The following AMD1 variants were observed in gnomAD, a reference collection of about 807,000 sequenced individuals.
AMD1 encodes adenosylmethionine decarboxylase 1.
In AMD1, 11 loss-of-function variants were observed where a neutral mutation model predicts 40.2. That is an observed-to-expected ratio of 0.27 (90% CI 0.17 to 0.45). AMD1 has a LOEUF of 0.45. Among genes scored for constraint, AMD1 ranks in the 20% least tolerant of loss-of-function variants. The pLI is 1.00. For missense variants in AMD1, 257 were observed against 410.2 expected, an observed-to-expected ratio of 0.63 and a Z score of 3.23; for synonymous variants, 121 against 130.8, an observed-to-expected ratio of 0.93 and a Z score of 0.51.
the AMD1 span, among the ~76,000 whole-genome samples, chr6:110,862,544 G>A: frequency 6.7e-6 from 1 of 150,280 alleles, no homozygotes; most frequent in Non-Finnish European, 1.5e-5. Flanking sequence ...TGAGCTCACT[G>A]CAACCTCTAC....
chr6:110,871,231 C>T (rs1209457709), upstream of AMD1, among the ~76,000 whole-genome samples: 4 of 152,088 alleles, frequency 2.6e-5, no homozygotes, highest in Non-Finnish European at 5.9e-5. Context: ...CATAATTGGG[C>T]TTATTTTTTA....
At chr6:110,892,089 T>G (rs1397603920) in intron 4 of AMD1, 72 bp from the exon 5 acceptor site, 1 of 1,508,928 alleles carries the variant, frequency 6.6e-7, no homozygotes, top group Non-Finnish European at 9.2e-7. Flanking sequence ...CTGCTTATTG[T>G]GGAAGGGTAG....
chr6:110,887,356 CAATATA>C (rs757137087), intron 1 of AMD1, 143 bp from the exon 2 acceptor site: 7 of 526,832 alleles, frequency 1.3e-5, no homozygotes, highest in Admixed American at 7.6e-5. Context: ...CTGGGTGTGT[CAATATA>C]GATTATTTTG....
chr6:110,873,651 C>A (rs1410370267), upstream of AMD1, among the ~76,000 whole-genome samples: 1 of 152,056 alleles, frequency 6.6e-6, no homozygotes, highest in Non-Finnish European at 1.5e-5. Context: ...CTCCCATATT[C>A]CCAAGTAAAA....
the AMD1 span, among the ~76,000 whole-genome samples, chr6:110,854,521 T>C: frequency 6.6e-6 from 1 of 152,124 alleles, no homozygotes; most frequent in African/African-American, 2.4e-5. Flanking sequence ...CGATCTTGGC[T>C]CACTGCAACC....
At chr6:110,824,464 G>T in the AMD1 span, among the ~76,000 whole-genome samples, 2 of 152,056 alleles carry the variant, frequency 1.3e-5, no homozygotes, top group Admixed American at 1.3e-4. Flanking sequence ...ATGACATATT[G>T]GGTACAATGC....
chr6:110,881,185 T>C (rs551431657), intron 1 of AMD1, among the ~76,000 whole-genome samples: 5 of 152,206 alleles, frequency 3.3e-5, no homozygotes, highest in Non-Finnish European at 7.3e-5. Flanking sequence ...TAGTATCTAG[T>C]CTTTAAGTGA....
chr6:110,826,546 CCTT>C, the AMD1 span, among the ~76,000 whole-genome samples: 1 of 152,104 alleles, frequency 6.6e-6, no homozygotes, highest in Non-Finnish European at 1.5e-5. Flanking sequence ...AGGGGAGAAT[CCTT>C]CTGTGCAGAT....
At chr6:110,864,882 C>T in the AMD1 span, among the ~76,000 whole-genome samples, 2 of 152,242 alleles carry the variant, frequency 1.3e-5, no homozygotes, top group African/African-American at 4.8e-5. Flanking sequence ...TGGAATCCAG[C>T]ATACAGGCTG....
intron 1 of AMD1, among the ~76,000 whole-genome samples, chr6:110,882,321 A>G (rs546790047): frequency 1.1e-4 from 16 of 152,368 alleles, no homozygotes; most frequent in Middle Eastern, 6.8e-3. Flanking sequence ...AACAAGAGTC[A>G]GCAAACTTTC....
chr6:110,824,234 C>T, the AMD1 span, among the ~76,000 whole-genome samples: 4 of 152,160 alleles, frequency 2.6e-5, no homozygotes, highest in Non-Finnish European at 5.9e-5. Flanking sequence ...TGGAATACCA[C>T]TCATTCATAA....
chr6:110,886,359 C>G (rs1785685120), intron 1 of AMD1, among the ~76,000 whole-genome samples: 1 of 152,212 alleles, frequency 6.6e-6, no homozygotes, highest in African/African-American at 2.4e-5. Flanking sequence ...TCTCAAACTC[C>G]TGAGCTTAAG....
the AMD1 span, among the ~76,000 whole-genome samples, chr6:110,816,123 A>C: frequency 2.6e-5 from 4 of 152,228 alleles, no homozygotes; most frequent in African/African-American, 4.8e-5. Flanking sequence ...CCTTGGCCAG[A>C]GGAGAACATG....
chr6:110,814,675 TC>T, the AMD1 span: 1 of 528,354 alleles, frequency 1.9e-6, no homozygotes, highest in Non-Finnish European at 3.7e-6. Flanking sequence ...CCCGCTGCGT[TC>T]CCCCAAGAGA....
the AMD1 span, among the ~76,000 whole-genome samples, chr6:110,843,449 A>G: frequency 6.7e-6 from 1 of 149,244 alleles, no homozygotes; most frequent in Non-Finnish European, 1.5e-5. Flanking sequence ...GGGCGATAAG[A>G]GTGAAACTCC....
chr6:110,854,786 G>A, the AMD1 span, among the ~76,000 whole-genome samples: 9 of 152,054 alleles, frequency 5.9e-5, no homozygotes, highest in East Asian at 5.8e-4. Flanking sequence ...AAAAAAATTC[G>A]TTAATTGAGT....
At chr6:110,822,464 G>A in the AMD1 span, among the ~76,000 whole-genome samples, 2 of 152,022 alleles carry the variant, frequency 1.3e-5, no homozygotes, top group African/African-American at 4.8e-5. Flanking sequence ...AAGATTCACA[G>A]CCAAATTCTA....
chr6:110,886,398 C>T (rs1785687681), intron 1 of AMD1, among the ~76,000 whole-genome samples: 1 of 152,084 alleles, frequency 6.6e-6, no homozygotes, highest in Admixed American at 6.5e-5. Context: ...GCTAGGATTA[C>T]AGGCGATTCT....
rs754425919 is a variant in AMD1, at chr6:110,875,134, C to T, written c.29C>T (p.Thr10Ile). ...GAAGCTGCACATTTTTTCGAAGGGA[C>T]CGAGAAGCTGCTGGAGGTTTGGTTC... MEAAHFFEG[T>I]EKLLEVWFSR... Residue 10 changes from threonine to isoleucine, a missense_variant, in exon 1 of 9, where the codon ACC becomes ATC. Physicochemically the swap from Thr to Ile is moderately conservative, Grantham distance 89. Around this residue, in one of 3 missense-constraint regions of AMD1, gnomAD observed 57 missense variants for 76.8 expected, o/e 0.74. Coordinates refer to ENST00000368885, the MANE Select transcript of AMD1 (RefSeq NM_001634.6). The T allele has an allele frequency of 1.2e-6, 2 of 1,613,620 alleles. No individual in the cohort carries two copies. Among genetic ancestry groups the T allele is most frequent in the Non-Finnish European group, 8.5e-7 (1 of 1,179,814 alleles).
Sources: gnomAD v4.1 joint callset for allele counts (sites outside exome capture counted in the v4.1 genomes callset) on GRCh38, gnomAD v4.1.1 for gene constraint, gnomAD v4.1.1 regional missense constraint, MANE v1.5 for transcripts, NCBI Gene and HGNC (gene_info 2026-07-23, HGNC 2026-07-21) for gene names.